Variants in XRCC1 observed in about 807,000 individuals in gnomAD.
XRCC1 encodes the protein X-ray repair cross complementing 1, also known as DNA repair protein XRCC1.
In XRCC1, 52 loss-of-function variants were observed where a neutral mutation model predicts 83.3. The observed-to-expected ratio is 0.62, with a 90% CI of 0.50 to 0.79. The LOEUF (loss-of-function observed/expected upper bound fraction) is 0.79, where lower values mean the gene tolerates loss of function less well. XRCC1 is among the 30% of genes least tolerant of loss of function. The pLI, the probability that XRCC1 is intolerant of heterozygous loss-of-function variation, is 0.00. For synonymous variants in XRCC1, 281 were observed against 312.6 expected (o/e 0.90, Z 1.07); for missense variants, 793 against 823.5 (o/e 0.96, Z 0.45).
rs1972504070 is a variant in XRCC1 at position 43,545,933 on chromosome 19, T to C, written c.1506A>G (p.Arg502=). ...LRRVAEQKEH[R]LPPGQEENGE... Reference sequence around the variant, plus strand: ...CATTCTCCTCCTGGCCAGGGGGCAGTCTGTGTTCCTTCTGCTCTGCCACCC... The same window carrying C: ...CATTCTCCTCCTGGCCAGGGGGCAGCCTGTGTTCCTTCTGCTCTGCCACCC... Residue 502 remains arginine (R), a synonymous_variant, in exon 14 of 17, where the codon AGA becomes AGG. Coordinates refer to ENST00000262887, the MANE Select transcript of XRCC1 (RefSeq NM_006297.3). The C allele has an allele frequency of 1.2e-6, 2 of 1,613,892 alleles. No homozygotes were observed. Among genetic ancestry groups the C allele is most frequent in the Non-Finnish European group, 1.7e-6 (2 of 1,179,890 alleles).
rs1310044665 is a variant in XRCC1 at position 43,561,029 on chromosome 19, A to G, written c.145-9T>C. 1 of 1,606,336 alleles carries G rather than the reference A, an allele frequency of 6.2e-7. No individual in the cohort carries two copies. The highest frequency in any genetic ancestry group is 1.1e-5 in the South Asian group (1 of 90,922). ...TGCTCCTCCTTCTCCAACTGTGGGC[A>G]GAGAGAGAGGCCACTGTCAGTGCCT... On this transcript the variant is annotated splice_polypyrimidine_tract_variant and intron_variant, in intron 2 of 16. Transcript: ENST00000262887.
rs1356332197 is a variant in XRCC1, at chr19:43,551,601, T to A, written c.1169A>T (p.His390Leu). Reference sequence around the variant, plus strand: ...GGAGGGCAGCCGCCGACGCATGCGGTGACAGTCCAGCACCCACTCCTTACG... The same window carrying A: ...GGAGGGCAGCCGCCGACGCATGCGGAGACAGTCCAGCACCCACTCCTTACG... Reference protein sequence around the residue: ...IVRKEWVLDCHRMRRRLPSQR... With the variant: ...IVRKEWVLDCLRMRRRLPSQR... Residue 390 changes from histidine (H) to leucine (L), a missense_variant, in exon 10 of 17, where the codon CAC (histidine) becomes CTC (leucine). Physicochemically the swap from His to Leu is moderately conservative, Grantham distance 99. Transcript: ENST00000262887. The A allele has an allele frequency of 2.5e-6, 4 of 1,614,152 alleles. No individual in the cohort carries two copies. In the South Asian group the frequency reaches 4.4e-5, roughly 18 times the overall value.
chr19:43,570,663 T>C (rs1158988570), intron 2 of XRCC1, among the ~76,000 whole-genome samples: 1 of 152,164 alleles, frequency 6.6e-6, no homozygotes, highest in Non-Finnish European at 1.5e-5. Flanking sequence ...CACACGCCTG[T>C]AGTCCCAGCT....
intron 4 of XRCC1, among the ~76,000 whole-genome samples, chr19:43,554,411 G>A (rs374720078): frequency 6.6e-6 from 1 of 151,272 alleles, no homozygotes; most frequent in African/African-American, 2.4e-5. Context: ...CCCCTCCTCC[G>A]ATTCCCCTCT....
At chr19:43,563,001 C>T (rs928765848) in intron 2 of XRCC1, among the ~76,000 whole-genome samples, 3 of 152,222 alleles carry the variant, frequency 2.0e-5, no homozygotes, top group African/African-American at 7.2e-5. Flanking sequence ...CGGACCGGAA[C>T]CCAGGCAGGC....
rs1357144368 is a variant in XRCC1, at chr19:43,560,830, GC to G, written c.255+79del. 3.3e-6 allele frequency: 4 copies of G among 1,214,416 alleles called. No individual in the cohort carries two copies. The African/African-American group carries it at 6.0e-5, about 18-fold the overall frequency. The allele number at this position is 1,214,416 out of a possible 1,614,324, so 75.2% of individuals were successfully genotyped here. On this transcript the variant is annotated intron_variant, in intron 3 of 16. Transcript: ENST00000262887. ...CTCACATCTGCCCCATGTCTTCCCAGCCCCAGCCCCTGGGGGAGACGGTGAT... is the reference window on the plus strand; with the variant it reads ...CTCACATCTGCCCCATGTCTTCCCAGCCCAGCCCCTGGGGGAGACGGTGAT...
intron 6 of XRCC1, 25 bp downstream of exon 6, chr19:43,553,376 C>A (rs1799779): frequency 1.2e-6 from 2 of 1,612,126 alleles, no homozygotes; most frequent in South Asian, 1.1e-5. Context: ...CCTACTCACT[C>A]AGGACCCACG....
intron 2 of XRCC1, among the ~76,000 whole-genome samples, chr19:43,573,558 G>A (rs1381318993): frequency 6.6e-6 from 1 of 152,102 alleles, no homozygotes; most frequent in Non-Finnish European, 1.5e-5. Flanking sequence ...TCCACAGAGT[G>A]TTCTGCTCCT....
In XRCC1 at chr19:43,547,105, A is replaced by G. The variant is rs1972520858; in HGVS notation, c.1200-128T>C. On this transcript the variant is annotated intron_variant, in intron 10 of 16. Transcript: ENST00000262887. ...GGCCTCATGGTCTTGTTCCCAGCCC[A>G]TTCTCTCCCAGCTCAGGAAGGCCCC... 12 of 887,570 alleles carry G rather than the reference A, an allele frequency of 1.4e-5. No homozygotes were observed. In the East Asian group the frequency reaches 3.0e-4, roughly 22 times the overall value. 55.0% of individuals were successfully genotyped at this position (887,570 alleles called of 1,614,324 possible). A position where few individuals can be genotyped will look rare whatever the true frequency, so the allele number is the denominator to read the frequency against.
intron 4 of XRCC1, 150 bp downstream of exon 4, chr19:43,554,496 A>G: frequency 9.7e-7 from 1 of 1,032,454 alleles, no homozygotes; most frequent in Non-Finnish European, 1.4e-6. Context: ...TCCCAAACCC[A>G]TTTCAGGGAA....
intron 2 of XRCC1, among the ~76,000 whole-genome samples, chr19:43,563,927 A>C: frequency 6.6e-6 from 1 of 152,158 alleles, no homozygotes; most frequent in East Asian, 1.9e-4. Context: ...GTATCGTCTG[A>C]GTTGTTCCCT....
Position 43,551,681 on chromosome 19 carries a change from G to A in XRCC1, c.1089C>T (p.Ala363=), listed in dbSNP as rs145754145. The change falls in exon 10 of 17, where the codon GCC becomes GCT. Residue 363 remains alanine (A), a synonymous_variant. Transcript: ENST00000262887. Reference sequence around the variant, plus strand: ...GGCTGTACTTGGGGGTGTTGGCAAAGGCACAGCTGGTGGGGGGCAGAAGTG... The same window carrying A: ...GGCTGTACTTGGGGGTGTTGGCAAAAGCACAGCTGGTGGGGGGCAGAAGTG... ...WTRDSTHLIC[A]FANTPKYSQV... The A allele has an allele frequency of 2.5e-6, 4 of 1,613,896 alleles. No homozygotes were observed. The highest frequency in any genetic ancestry group is 3.4e-6 in the Non-Finnish European group (4 of 1,179,962).
chr19:43,568,977 TAAA>T (rs34220562), intron 2 of XRCC1, among the ~76,000 whole-genome samples: 2 of 137,114 alleles, frequency 1.5e-5, no homozygotes, highest in Admixed American at 7.3e-5. Context: ...CCAAAAAGCT[TAAA>T]AAAAAAAAAA....
At chr19:43,557,219 G>C (rs1480506911) in intron 3 of XRCC1, among the ~76,000 whole-genome samples, 2 of 145,918 alleles carry the variant, frequency 1.4e-5, no homozygotes, top group Middle Eastern at 3.9e-3. Flanking sequence ...TGAGGCAGGA[G>C]AATCACTTGA....
At position 43,552,114 on chromosome 19, in the gene XRCC1, C is replaced by T; in HGVS notation, c.985G>A (p.Gly329Ser). Residue 329 changes from glycine (G) to serine (S), a missense_variant, in exon 9 of 17, where the codon GGC becomes AGC. Coordinates refer to ENST00000262887, the MANE Select transcript of XRCC1 (RefSeq NM_006297.3). ...TCGGAGCGGAAGGGGTTCTGGAAGCCACTCAGCACCACTACCACACCCTGA... is the reference window on the plus strand; with the variant it reads ...TCGGAGCGGAAGGGGTTCTGGAAGCTACTCAGCACCACTACCACACCCTGA... ...ILQGVVVVLS[G>S]FQNPFRSELR... 6.2e-7 allele frequency: 1 copy of T among 1,614,072 alleles called. No individual in the cohort carries two copies. Among genetic ancestry groups the T allele is most frequent in the Non-Finnish European group, 8.5e-7 (1 of 1,179,994 alleles).
rs1972619149 is a variant in XRCC1, at chr19:43,554,775, G to C, written c.285C>G (p.Ser95=). Residue 95 remains serine, a synonymous_variant, in exon 4 of 17, where the codon TCC becomes TCG. Coordinates refer to ENST00000262887, the MANE Select transcript of XRCC1 (RefSeq NM_006297.3). The stretch of plus-strand genomic sequence containing the variant: ...TTGAGCCACTGCGGCTCTCGGAAGG[G>C]GACATGAAAGATGAGGTGACCAGAA... ...EVLLVTSSFM[S]PSESRSGSNP... 1.9e-6 allele frequency: 3 copies of C among 1,613,072 alleles called. No individual in the cohort carries two copies.
At chr19:43,553,801 T>C (rs958032203) in intron 4 of XRCC1, 118 bp from the exon 5 acceptor site, 80 of 790,202 alleles carry the variant, frequency 1.0e-4, no homozygotes, top group Non-Finnish European at 1.5e-4. Context: ...AACACCCATG[T>C]TGAAGGAGGG....
Position 43,561,763 on chromosome 19 carries a change from C to T in XRCC1, c.145-743G>A, listed in dbSNP as rs866397716. 7.9e-5 allele frequency among the ~76,000 whole-genome samples: 12 copies of T among 152,300 alleles called. 2 individuals are homozygous for T. The Middle Eastern group carries it at 0.027, about 345-fold the overall frequency. On this transcript the variant is annotated intron_variant, in intron 2 of 16. Transcript: ENST00000262887. The stretch of plus-strand genomic sequence containing the variant: ...ACAGATGAAGATGCAGAAAGCCGTG[C>T]GGGCCATGCGGGCACGGGAGGCAGT...
chr19:43,566,815 G>A (rs1375141440), intron 2 of XRCC1, among the ~76,000 whole-genome samples: 2 of 140,590 alleles, frequency 1.4e-5, no homozygotes, highest in Non-Finnish European at 3.0e-5. Context: ...GGAAGCAGAG[G>A]TTGCAGTGAG....
Sources: allele counts gnomAD v4.1 joint callset (sites outside exome capture counted in the v4.1 genomes callset), GRCh38; gene constraint gnomAD v4.1.1; transcripts MANE v1.5; gene names NCBI Gene and HGNC (gene_info 2026-07-23, HGNC 2026-07-21).